Variants in SPINK5 observed in about 807,000 individuals in gnomAD.
The protein encoded by SPINK5 is serine protease inhibitor Kazal-type 5.
A neutral mutation model predicts 151.8 loss-of-function variants in SPINK5; 125 were observed. The observed-to-expected ratio is 0.82, with a 90% CI of 0.71 to 0.96. The LOEUF is 0.96. SPINK5 is among the 40% of genes least tolerant of loss of function. The pLI is 0.00. For missense variants in SPINK5, 1,194 were observed against 1,291.9 expected (o/e 0.92, Z 1.16); for synonymous variants, 374 against 395.3 (o/e 0.95, Z 0.64).
intron 8 of SPINK5, 93 bp downstream of exon 8, chr5:148,091,321 T>A: frequency 9.8e-7 from 1 of 1,016,790 alleles, no homozygotes; most frequent in Non-Finnish European, 1.5e-6. Context: ...AAAGTCATTG[T>A]CTTTTATTAT....
At position 148,088,473 on chromosome 5, in the gene SPINK5, G is replaced by C. The variant is rs1167349369; in HGVS notation, c.411-69G>C. The stretch of plus-strand genomic sequence containing the variant: ...AAGGAGAATGACAATGCAATGTAGA[G>C]CAGTTAGGTTTGAATGGTGGGAAGT... On this transcript the variant is annotated intron_variant, in intron 5 of 32. Transcript: ENST00000256084. The C allele has an allele frequency of 2.7e-5, 36 of 1,331,372 alleles. No homozygotes were observed. In the Middle Eastern group the frequency reaches 1.1e-3, roughly 42 times the overall value. The allele number at this position is 1,331,372 out of a possible 1,614,324, so 82.5% of individuals were successfully genotyped here. A position where few individuals can be genotyped will look rare whatever the true frequency, so the allele number is the denominator to read the frequency against.
In SPINK5 at chr5:148,094,497, G is replaced by T. The variant is rs761663045; in HGVS notation, c.794+16G>T. On this transcript the variant is annotated intron_variant, in intron 9 of 32. Transcript: ENST00000256084. ...CTGAAATTTTGTGAGTATAGAAGTGGTTTTTTCAGAGTGATTCAAAGGGTG... is the reference window on the plus strand; with the variant it reads ...CTGAAATTTTGTGAGTATAGAAGTGTTTTTTTCAGAGTGATTCAAAGGGTG... The T allele has an allele frequency of 7.4e-6, 12 of 1,611,842 alleles. No homozygotes were observed. The highest frequency in any genetic ancestry group is 2.7e-5 in the African/African-American group (2 of 74,746).
intron 4 of SPINK5, among the ~76,000 whole-genome samples, chr5:148,081,112 C>A (rs1753007952): frequency 6.6e-6 from 1 of 151,468 alleles, no homozygotes; most frequent in Admixed American, 6.6e-5. Context: ...ATCACAAAGA[C>A]AGAAAATGCA....
In SPINK5 at chr5:148,118,854, C is replaced by T. The variant is rs1320364715; in HGVS notation, c.2241-132C>T. 32 of 977,340 alleles carry T rather than the reference C, an allele frequency of 3.3e-5. 1 individual carries two copies. Among genetic ancestry groups the T allele is most frequent in the Admixed American group, 1.2e-4 (6 of 50,050 alleles). 60.5% of individuals were successfully genotyped at this position (977,340 alleles called of 1,614,324 possible). On this transcript the variant is annotated intron_variant, in intron 23 of 32. Transcript: ENST00000256084. ...CCAGAATCCTAGGAAGACTTTGTCACGGCCATTTGGAATCATTGACCAGCA... is the reference window on the plus strand; with the variant it reads ...CCAGAATCCTAGGAAGACTTTGTCATGGCCATTTGGAATCATTGACCAGCA...
At chr5:148,108,947 T>C in intron 18 of SPINK5, 110 bp downstream of exon 18, 5 of 1,559,720 alleles carry the variant, frequency 3.2e-6, no homozygotes, top group Non-Finnish European at 4.4e-6. Context: ...CTTTGCAAAC[T>C]GGGAAAATGT....
chr5:148,089,911 TTTTA>T (rs1753265857), intron 7 of SPINK5, among the ~76,000 whole-genome samples: 1 of 151,862 alleles, frequency 6.6e-6, no homozygotes, highest in Admixed American at 6.6e-5. Context: ...AGGCACAATA[TTTTA>T]AAATTTAGAA....
chr5:148,091,602 T>C (rs1753311499), intron 8 of SPINK5, among the ~76,000 whole-genome samples: 2 of 151,810 alleles, frequency 1.3e-5, no homozygotes, highest in South Asian at 4.1e-4. Flanking sequence ...GGCAATGAAA[T>C]ATAAATTAAA....
rs74293395 is a variant in SPINK5 at position 148,123,793 on chromosome 5, A to G, written c.2539-40A>G. The G allele has an allele frequency of 1.1e-3, 1,832 of 1,613,402 alleles. 33 individuals are homozygous for G. In the East Asian group the frequency reaches 0.038, roughly 33 times the overall value. On this transcript the variant is annotated intron_variant, in intron 26 of 32. Transcript: ENST00000256084. ...ATCATGTTATCAGGTTTGAAAGATT[A>G]TACCATGACAGTAACAACTTTTTCT...
chr5:148,075,401 T>C (rs1752852429), intron 4 of SPINK5, among the ~76,000 whole-genome samples: 1 of 151,238 alleles, frequency 6.6e-6, no homozygotes, highest in Admixed American at 6.6e-5. Flanking sequence ...ATTATTTTCT[T>C]AGAGTAAATC....
At chr5:148,072,866 T>TA (rs10628434) in intron 4 of SPINK5, among the ~76,000 whole-genome samples, 1,818 of 143,880 alleles carry the variant, frequency 0.013, 37 homozygotes, top group African/African-American at 0.042. Context: ...TGTTCTCTGG[T>TA]AAAAAAAAAA....
At chr5:148,125,454 G>T in intron 28 of SPINK5, 2 of 1,392,294 alleles carry the variant, frequency 1.4e-6, no homozygotes, top group South Asian at 2.4e-5. Flanking sequence ...GGAAAGGAAG[G>T]ATGGATGAAC....
At chr5:148,120,272 A>G in intron 25 of SPINK5, 23 bp from the exon 26 acceptor site, 1 of 1,605,800 alleles carries the variant, frequency 6.2e-7, no homozygotes, top group Non-Finnish European at 8.5e-7. Flanking sequence ...TTTGATTGAA[A>G]TGTTTCATTG....
chr5:148,108,849 A>G lies in SPINK5; in HGVS notation c.1692+12A>G, dbSNP rs879096017. The G allele has an allele frequency of 6.2e-6, 10 of 1,611,342 alleles. No individual in the cohort carries two copies. Among genetic ancestry groups the G allele is most frequent in the Non-Finnish European group, 5.9e-6 (7 of 1,178,208 alleles). On this transcript the variant is annotated intron_variant, in intron 18 of 32. Transcript: ENST00000256084. Reference sequence around the variant, plus strand: ...GAGAAGCAGTTCAGGTAGTTGTTTGAGATCATCAGAGCCACATAAATATTC... The same window carrying G: ...GAGAAGCAGTTCAGGTAGTTGTTTGGGATCATCAGAGCCACATAAATATTC...
chr5:148,115,581 G>A (rs1302120457), intron 21 of SPINK5, among the ~76,000 whole-genome samples: 1 of 152,160 alleles, frequency 6.6e-6, no homozygotes. Context: ...GGGGGATGCT[G>A]TGAAGGTGAA....
intron 4 of SPINK5, among the ~76,000 whole-genome samples, chr5:148,084,861 C>G (rs1753111806): frequency 2.0e-5 from 3 of 151,840 alleles, no homozygotes; most frequent in Admixed American, 2.0e-4. Flanking sequence ...ATTCTGGTCA[C>G]TATTGTATTT....
intron 4 of SPINK5, among the ~76,000 whole-genome samples, chr5:148,076,832 C>A (rs960209713): frequency 6.6e-6 from 1 of 151,442 alleles, no homozygotes; most frequent in African/African-American, 2.4e-5. Flanking sequence ...ATGAAAAGTT[C>A]AGTAGAGAGG....
intron 2 of SPINK5, 94 bp from the exon 3 acceptor site, chr5:148,070,229 A>AT (rs2127189309): frequency 7.0e-7 from 1 of 1,437,396 alleles, no homozygotes; most frequent in East Asian, 2.5e-5. Context: ...GTGTATATAT[A>AT]TGCAGACATA....
intron 6 of SPINK5, chr5:148,088,998 G>T: frequency 2.2e-6 from 1 of 464,020 alleles, no homozygotes; most frequent in South Asian, 1.6e-5. Flanking sequence ...GAACTAAATA[G>T]ATTTTTTTTC....
intron 23 of SPINK5, 57 bp downstream of exon 23, chr5:148,118,621 A>G (rs1754166033): frequency 6.2e-7 from 1 of 1,601,028 alleles, no homozygotes; most frequent in Admixed American, 1.7e-5. Flanking sequence ...TCTTGAATGA[A>G]TGGCTATTTC....
Sources: gnomAD v4.1 joint callset for allele counts (sites outside exome capture counted in the v4.1 genomes callset) on GRCh38, gnomAD v4.1.1 for gene constraint, MANE v1.5 for transcripts, NCBI Gene and HGNC (gene_info 2026-07-23, HGNC 2026-07-21) for gene names.